CNTN4: variants seen among roughly 807,000 people sequenced by gnomAD.
CNTN4 encodes contactin 4.
Under a neutral mutation model 122.5 loss-of-function variants are expected in CNTN4, and 77 were observed. That is an observed-to-expected ratio of 0.63 (90% CI 0.52 to 0.76). The LOEUF (loss-of-function observed/expected upper bound fraction) is 0.76, where lower values mean the gene tolerates loss of function less well. Ranked by LOEUF, CNTN4 falls within the 30% of genes least tolerant of loss-of-function variation. The probability of loss-of-function intolerance (pLI) is 0.00; values close to 1 mark genes in which losing one functional copy is unlikely to be tolerated. For missense variants in CNTN4, 1,256 were observed against 1,259.1 expected (o/e 1.00, Z 0.04); for synonymous variants, 512 against 447.0 (o/e 1.15, Z -1.83).
chr3:2,362,293 C>T, intron 3 of CNTN4: 1 of 196,114 alleles, frequency 5.1e-6, no homozygotes, highest in South Asian at 7.9e-5. Flanking sequence ...CTGGGTTGTG[C>T]CCTCTGCAGA....
Position 2,709,274 on chromosome 3 carries a change from G to C in CNTN4, c.56-26941G>C, listed in dbSNP as rs913081366. Among the ~76,000 whole-genome samples, 1 of 152,148 alleles carries C rather than the reference G, an allele frequency of 6.6e-6. No individual in the cohort carries two copies. Among genetic ancestry groups the C allele is most frequent in the Non-Finnish European group, 1.5e-5 (1 of 68,030 alleles). On this transcript the variant is annotated intron_variant, in intron 4 of 24. Transcript: ENST00000418658. The surrounding 1 kb of genome is among the most constrained non-coding windows in gnomAD (Gnocchi z 5.0). ...TTTGTTTTGTTTTTAAATCTTGAAA[G>C]AGACCTGAATTTATAATTAGTACAG...
intron 13 of CNTN4, among the ~76,000 whole-genome samples, chr3:2,947,021 A>G (rs2094686239): frequency 6.6e-6 from 1 of 152,120 alleles, no homozygotes; most frequent in African/African-American, 2.4e-5. Flanking sequence ...GCATTTCTGT[A>G]TGGCAATACT....
chr3:2,517,952 T>G (rs1462149514), intron 3 of CNTN4, among the ~76,000 whole-genome samples: 1 of 152,164 alleles, frequency 6.6e-6, no homozygotes, highest in Non-Finnish European at 1.5e-5. Context: ...TCTGGCTTTG[T>G]GCTTAGAGAG....
At chr3:2,767,429 G>GA in intron 6 of CNTN4, among the ~76,000 whole-genome samples, 1 of 152,220 alleles carries the variant, frequency 6.6e-6, no homozygotes, top group East Asian at 1.9e-4. Context: ...TAAAATAAAC[G>GA]AATTGTTTGC....
chr3:2,257,978 A>G (rs1389659456), intron 2 of CNTN4, among the ~76,000 whole-genome samples: 2 of 152,050 alleles, frequency 1.3e-5, no homozygotes, highest in Non-Finnish European at 2.9e-5. Context: ...CAGGAGAATC[A>G]CTTCAACCCG....
rs17021403 is a variant in CNTN4 at position 2,852,051 on chromosome 3, G to A, written c.455-14701G>A. 4.1e-3 allele frequency among the ~76,000 whole-genome samples: 629 copies of A among 152,202 alleles called. 2 individuals are homozygous for A. The highest frequency in any genetic ancestry group is 0.014 in the African/African-American group (594 of 41,530). On this transcript the variant is annotated intron_variant, in intron 7 of 24. Coordinates refer to ENST00000418658, the MANE Select transcript of CNTN4 (RefSeq NM_175607.3). ...TTATTACCAGGCCACACCCTACCTCGTGGCTGCACTCCCAGTTTCTTCCCA... is the reference window on the plus strand; with the variant it reads ...TTATTACCAGGCCACACCCTACCTCATGGCTGCACTCCCAGTTTCTTCCCA...
At chr3:2,230,725 C>A (rs931816022) in intron 2 of CNTN4, among the ~76,000 whole-genome samples, 33 of 152,246 alleles carry the variant, frequency 2.2e-4, no homozygotes, top group African/African-American at 7.9e-4. Flanking sequence ...TGGCTCACAT[C>A]TGTAATCCCA....
At chr3:3,055,421 CTG>C (rs1442190154) in intron 24 of CNTN4, among the ~76,000 whole-genome samples, 7 of 152,172 alleles carry the variant, frequency 4.6e-5, no homozygotes, top group African/African-American at 1.7e-4. Flanking sequence ...AAGGAAGTGA[CTG>C]TGAACCAAAC....
chr3:2,780,430 A>G (rs964985319), intron 6 of CNTN4, among the ~76,000 whole-genome samples: 1 of 152,216 alleles, frequency 6.6e-6, no homozygotes, highest in Non-Finnish European at 1.5e-5. Flanking sequence ...CTCAATATAG[A>G]GGCATGTTCT....
chr3:2,749,168 T>G (rs1290125726), intron 6 of CNTN4, among the ~76,000 whole-genome samples: 1 of 152,086 alleles, frequency 6.6e-6, no homozygotes, highest in Admixed American at 6.6e-5. Context: ...GAATTTTTTG[T>G]TTTTTTATTT....
chr3:2,713,668 G>C (rs2087293382), intron 4 of CNTN4, among the ~76,000 whole-genome samples: 1 of 152,188 alleles, frequency 6.6e-6, no homozygotes, highest in South Asian at 2.1e-4. Context: ...TCTGCTGTTT[G>C]CTGAAGTGAC....
chr3:2,953,322 T>C (rs569333187), intron 13 of CNTN4, among the ~76,000 whole-genome samples: 1 of 152,284 alleles, frequency 6.6e-6, no homozygotes, highest in African/African-American at 2.4e-5. Flanking sequence ...TTAATTCTAA[T>C]GACCAGCTTC....
At chr3:2,591,038 T>C (rs2149657831) in intron 4 of CNTN4, among the ~76,000 whole-genome samples, 1 of 152,286 alleles carries the variant, frequency 6.6e-6, no homozygotes, top group East Asian at 1.9e-4. Flanking sequence ...CTTGTTATTT[T>C]CCAAGTTGGA....
At chr3:2,793,539 G>A (rs952190673) in intron 6 of CNTN4, among the ~76,000 whole-genome samples, 2 of 152,042 alleles carry the variant, frequency 1.3e-5, no homozygotes, top group African/African-American at 4.8e-5. Flanking sequence ...TAATGAAAGA[G>A]CATCGAAGCT....
intron 6 of CNTN4, among the ~76,000 whole-genome samples, chr3:2,747,848 C>A (rs2089879636): frequency 6.6e-6 from 1 of 152,208 alleles, no homozygotes; most frequent in Non-Finnish European, 1.5e-5. Context: ...GACTGCTCTA[C>A]TTGTTCAAAA....
chr3:2,435,701 A>T (rs2048235264), intron 3 of CNTN4, among the ~76,000 whole-genome samples: 1 of 152,226 alleles, frequency 6.6e-6, no homozygotes, highest in East Asian at 1.9e-4. Flanking sequence ...ATAATCTATT[A>T]CATACAAGGG....
chr3:2,525,632 G>T (rs960251182), intron 3 of CNTN4, among the ~76,000 whole-genome samples: 11 of 152,056 alleles, frequency 7.2e-5, no homozygotes, highest in Non-Finnish European at 1.5e-4. Flanking sequence ...TGTCACTACA[G>T]TTTTCTTTCA....
chr3:2,619,543 A>G (rs2081914870), intron 4 of CNTN4, among the ~76,000 whole-genome samples: 1 of 152,178 alleles, frequency 6.6e-6, no homozygotes. Flanking sequence ...TTGATCAGAG[A>G]CAAAGGGTGG....
chr3:2,750,993 G>A (rs563606823), intron 6 of CNTN4, among the ~76,000 whole-genome samples: 18 of 152,176 alleles, frequency 1.2e-4, no homozygotes, highest in South Asian at 6.2e-4. Context: ...TGTGGCAGGC[G>A]TTGGCCCACA....
Sources: allele counts gnomAD v4.1 joint callset (sites outside exome capture counted in the v4.1 genomes callset), GRCh38; gene constraint gnomAD v4.1.1; non-coding constraint Gnocchi (gnomAD v3.1); transcripts MANE v1.5; gene names NCBI Gene and HGNC (gene_info 2026-07-23, HGNC 2026-07-21).